PFKP: variants seen among roughly 807,000 people sequenced by gnomAD.
The protein encoded by PFKP is phosphofructokinase, platelet.
In PFKP, 101 loss-of-function variants were observed where a neutral mutation model predicts 94.3. The ratio of observed to expected loss-of-function variants is 1.07; its 90% CI spans 0.91 to 1.26. The LOEUF (loss-of-function observed/expected upper bound fraction) is 1.26. PFKP is among the 50% of genes most tolerant of loss of function. The pLI is 0.00. For synonymous variants in PFKP, 573 were observed against 432.6 expected, an observed-to-expected ratio of 1.32 and a Z score of -4.03; for missense variants, 1,145 against 1,103.3, an observed-to-expected ratio of 1.04 and a Z score of -0.53.
chr10:3,087,821 C>A (rs1833717151), intron 2 of PFKP, among the ~76,000 whole-genome samples: 2 of 152,068 alleles, frequency 1.3e-5, no homozygotes, highest in East Asian at 1.9e-4. Flanking sequence ...GCCCAGGCAC[C>A]TACCTCTGGG....
In PFKP at chr10:3,096,919, A is replaced by G. The variant is rs559531518; in HGVS notation, c.187-2356A>G. Among the ~76,000 whole-genome samples, 720 of 123,144 alleles carry G rather than the reference A, an allele frequency of 5.8e-3. 170 individuals carry two copies. The highest frequency in any genetic ancestry group is 0.021 in the African/African-American group (674 of 31,700). The allele number at this position is 123,144 out of a possible 152,430, so 80.8% of individuals were successfully genotyped here. On this transcript the variant is annotated intron_variant, in intron 2 of 21. Coordinates refer to ENST00000381125, the MANE Select transcript of PFKP (RefSeq NM_002627.5). ...CGGTGAAACCCCGTCTCTACTAAAA[A>G]TACAAAAAATTAGCCGGGCGTGGTG...
intron 1 of PFKP, chr10:3,069,469 A>G: frequency 1.6e-6 from 2 of 1,277,826 alleles, no homozygotes; most frequent in Non-Finnish European, 2.2e-6. Flanking sequence ...CAGAGGGAGC[A>G]CCTTGAGTGA....
At chr10:3,103,451 C>T (rs146757747) in intron 4 of PFKP, among the ~76,000 whole-genome samples, 10 of 152,062 alleles carry the variant, frequency 6.6e-5, no homozygotes, top group South Asian at 2.1e-4. Context: ...ATTTAAGACC[C>T]GCCTGGGCAA....
intron 16 of PFKP, chr10:3,125,285 T>A (rs570781071): frequency 1.8e-4 from 223 of 1,241,024 alleles, no homozygotes; most frequent in Non-Finnish European, 2.1e-4. Flanking sequence ...TGCTTTTCCG[T>A]CATTTATTTT....
chr10:3,125,247 G>C (rs1218372942), intron 16 of PFKP: 1 of 1,311,500 alleles, frequency 7.6e-7, no homozygotes, highest in African/African-American at 1.5e-5. Flanking sequence ...TGCTGTTGTT[G>C]AGGTAAGAGA....
At position 3,101,484 on chromosome 10, in the gene PFKP, C is replaced by T. The variant is rs375908839; in HGVS notation, c.384C>T (p.Asp128=). Residue 128 remains aspartate, a synonymous_variant, in exon 4 of 22, where the codon GAC becomes GAT. Transcript: ENST00000381125. ...GITNLCVIGG[D]GSLTGANLFR... ...CCAACCTGTGTGTGATCGGCGGGGACGGGAGCCTCACCGGGGCCAACCTCT... is the reference window on the plus strand; with the variant it reads ...CCAACCTGTGTGTGATCGGCGGGGATGGGAGCCTCACCGGGGCCAACCTCT... The T allele has an allele frequency of 7.7e-5, 123 of 1,602,096 alleles. No homozygotes were observed. Among genetic ancestry groups the T allele is most frequent in the African/African-American group, 1.5e-4 (11 of 74,790 alleles).
intron 2 of PFKP, among the ~76,000 whole-genome samples, chr10:3,097,510 G>A (rs567551340): frequency 6.6e-5 from 10 of 152,192 alleles, no homozygotes; most frequent in East Asian, 3.9e-4. Context: ...AAGATGTTCT[G>A]CTGTTTTGCC....
At chr10:3,083,451 A>G (rs562202391) in intron 2 of PFKP, among the ~76,000 whole-genome samples, 1 of 152,370 alleles carries the variant, frequency 6.6e-6, no homozygotes, top group South Asian at 2.1e-4. Flanking sequence ...ATTTTTGTAA[A>G]TCACTTAATG....
At position 3,079,826 on chromosome 10, in the gene PFKP, C is replaced by G. The variant is rs944376357; in HGVS notation, c.113-2562C>G. 7.9e-5 allele frequency among the ~76,000 whole-genome samples: 12 copies of G among 152,236 alleles called. 1 individual carries two copies. In the East Asian group the frequency reaches 1.9e-3, roughly 24 times the overall value. On this transcript the variant is annotated intron_variant, in intron 1 of 21. Transcript: ENST00000381125. Reference sequence around the variant, plus strand: ...CCTGGAACCAGAGCTGTGCGTCCACCCTTCGAGTTGAAGAGTCCAGGCACT... The same window carrying G: ...CCTGGAACCAGAGCTGTGCGTCCACGCTTCGAGTTGAAGAGTCCAGGCACT...
chr10:3,116,422 G>T (rs1162396598), intron 13 of PFKP, among the ~76,000 whole-genome samples: 1 of 152,186 alleles, frequency 6.6e-6, no homozygotes, highest in Admixed American at 6.5e-5. Context: ...TGTAAGAAAA[G>T]AAATTTTCCC....
chr10:3,104,755 C>T (rs929890274), intron 5 of PFKP: 3 of 331,950 alleles, frequency 9.0e-6, no homozygotes, highest in Non-Finnish European at 1.7e-5. Context: ...CCGTGGCTGT[C>T]GACAGCAGCT....
At chr10:3,124,950 A>C (rs1837781352) in intron 16 of PFKP, 1 of 504,624 alleles carries the variant, frequency 2.0e-6, no homozygotes, top group African/African-American at 2.1e-5. Flanking sequence ...CGGCCTCCAG[A>C]GCCTCCCTCG....
intron 18 of PFKP, among the ~76,000 whole-genome samples, chr10:3,132,679 C>T (rs772174217): frequency 1.1e-4 from 16 of 152,172 alleles, no homozygotes; most frequent in African/African-American, 1.7e-4. Context: ...AATCATTTCC[C>T]TAATTAGCAC....
rs770151566 is a variant in PFKP at position 3,135,753 on chromosome 10, G to T, written c.2140G>T (p.Asp714Tyr). The change falls in exon 21 of 22, where the codon GAT (aspartate) becomes TAT (tyrosine). Residue 714 changes from aspartate to tyrosine, a missense_variant. Physicochemically the swap from Asp to Tyr is radical, Grantham distance 160 (BLOSUM62 -3). Around this residue, in one of 3 missense-constraint regions of PFKP, gnomAD observed 1,119 missense variants for 1,062.8 expected, o/e 1.05. Coordinates refer to ENST00000381125, the MANE Select transcript of PFKP (RefSeq NM_002627.5). ...ARGRGKKFTTDDSICVLGISK... is the reference protein window; with the variant it reads ...ARGRGKKFTTYDSICVLGISK... Reference sequence around the variant, plus strand: ...TTTTATAGGAAAAAAATTTACCACCGATGATTCCATTTGTGTGCTGGGAAT... The same window carrying T: ...TTTTATAGGAAAAAAATTTACCACCTATGATTCCATTTGTGTGCTGGGAAT... 6.2e-7 allele frequency: 1 copy of T among 1,610,640 alleles called. No homozygotes were observed. The highest frequency in any genetic ancestry group is 8.5e-7 in the Non-Finnish European group (1 of 1,177,340).
intron 11 of PFKP, among the ~76,000 whole-genome samples, 160 bp downstream of exon 11, chr10:3,112,446 G>GT (rs1836343878): frequency 6.6e-6 from 1 of 152,200 alleles, no homozygotes; most frequent in South Asian, 2.1e-4. Context: ...GCAGGCCCTG[G>GT]TGACTGGTTA....
rs113375530 is a variant in PFKP at position 3,136,780 on chromosome 10, T to A, written c.*201T>A. Reference sequence around the variant, plus strand: ...AGATGTGCATATGAGCAGAATTAATTAAACATTTGCCTATGACTCCAACAG... The same window carrying A: ...AGATGTGCATATGAGCAGAATTAATAAAACATTTGCCTATGACTCCAACAG... On this transcript the variant is annotated 3_prime_UTR_variant, in exon 22 of 22. Coordinates refer to ENST00000381125, the MANE Select transcript of PFKP (RefSeq NM_002627.5). 2.1e-6 allele frequency: 1 copy of A among 482,434 alleles called. No individual in the cohort carries two copies. The highest frequency in any genetic ancestry group is 3.7e-6 in the Non-Finnish European group (1 of 271,866). 29.9% of individuals were successfully genotyped at this position (482,434 alleles called of 1,614,324 possible).
At chr10:3,082,355 C>G in intron 1 of PFKP, 33 bp from the exon 2 acceptor site, 3 of 1,564,522 alleles carry the variant, frequency 1.9e-6, no homozygotes, top group Non-Finnish European at 2.6e-6. Context: ...ACCCCGGGCT[C>G]TTCAGTGACT....
At chr10:3,079,999 C>G (rs936261853) in intron 1 of PFKP, among the ~76,000 whole-genome samples, 27 of 152,050 alleles carry the variant, frequency 1.8e-4, no homozygotes, top group Non-Finnish European at 3.7e-4. Flanking sequence ...GGGAGGCAAG[C>G]CAGGCCCTTT....
At chr10:3,124,881 A>G (rs1588547444) in intron 16 of PFKP, among the ~76,000 whole-genome samples, 1 of 152,202 alleles carries the variant, frequency 6.6e-6, no homozygotes, top group East Asian at 1.9e-4. Context: ...CCCTTTCATG[A>G]GGACCTGGGC....
Sources: allele counts gnomAD v4.1 joint callset (sites outside exome capture counted in the v4.1 genomes callset), GRCh38; gene constraint gnomAD v4.1.1; regional missense constraint gnomAD v4.1.1; transcripts MANE v1.5; gene names NCBI Gene and HGNC (gene_info 2026-07-23, HGNC 2026-07-21).